The following KCNN3 variants were observed in gnomAD, a reference collection of about 807,000 sequenced individuals.
KCNN3 encodes small conductance calcium-activated potassium channel protein 3.
In KCNN3, 16 loss-of-function variants were observed where a neutral mutation model predicts 62.9. That is an observed-to-expected ratio of 0.25 (90% CI 0.17 to 0.39). The LOEUF (loss-of-function observed/expected upper bound fraction) is 0.39, where lower values mean the gene tolerates loss of function less well. Ranked by LOEUF, KCNN3 falls within the 10% of genes least tolerant of loss-of-function variation. The probability of loss-of-function intolerance (pLI) is 1.00; values close to 1 mark genes in which losing one functional copy is unlikely to be tolerated. For synonymous variants in KCNN3, 370 were observed against 389.2 expected (o/e 0.95, Z 0.58); for missense variants, 599 against 949.4 (o/e 0.63, Z 4.85).
chr1:154,780,495 G>A (rs186403995), intron 2 of KCNN3, among the ~76,000 whole-genome samples: 321 of 148,942 alleles, frequency 2.2e-3, no homozygotes, highest in Non-Finnish European at 3.7e-3. Context: ...AAGAACTTCC[G>A]GGAAAATTTC....
intron 2 of KCNN3, among the ~76,000 whole-genome samples, chr1:154,794,926 C>A (rs1649665100): frequency 6.6e-6 from 1 of 152,178 alleles, no homozygotes; most frequent in Non-Finnish European, 1.5e-5. Context: ...TCCTAGAGAG[C>A]TCTTTTTCAT....
In KCNN3 at chr1:154,839,307, G is replaced by A. The variant is rs181821327; in HGVS notation, c.934-17123C>T. Among the ~76,000 whole-genome samples, 289 of 152,310 alleles carry A rather than the reference G, an allele frequency of 1.9e-3. 1 individual carries two copies. Among genetic ancestry groups the A allele is most frequent in the African/African-American group, 6.6e-3 (274 of 41,568 alleles). ...AGGCTCTGCGTACCTACACCAGAAG[G>A]GGAACAGATCCCATAGCCCAAAGGA... On this transcript the variant is annotated intron_variant, in intron 1 of 7. Transcript: ENST00000271915.
At chr1:154,755,841 GA>G (rs1384515406) in intron 3 of KCNN3, among the ~76,000 whole-genome samples, 1 of 114,620 alleles carries the variant, frequency 8.7e-6, no homozygotes, top group African/African-American at 3.4e-5. Context: ...GGAGGAGGGG[GA>G]AAGAAGGAAG....
At chr1:154,768,053 C>A (rs887152431) in intron 3 of KCNN3, among the ~76,000 whole-genome samples, 2 of 152,320 alleles carry the variant, frequency 1.3e-5, no homozygotes, top group Non-Finnish European at 1.5e-5. Context: ...AGGCTCTGGG[C>A]ATCAGCAGCT....
intron 1 of KCNN3, among the ~76,000 whole-genome samples, chr1:154,864,602 C>T (rs903200244): frequency 2.2e-4 from 34 of 152,248 alleles, no homozygotes; most frequent in Non-Finnish European, 2.9e-4. Context: ...TACGGAGAAG[C>T]GGCCTCCCAT....
chr1:154,838,664 C>T (rs1651701931), intron 1 of KCNN3, among the ~76,000 whole-genome samples: 1 of 152,214 alleles, frequency 6.6e-6, no homozygotes, highest in South Asian at 2.1e-4. Context: ...ACTCCCACCA[C>T]CCTACCCTCC....
In KCNN3 at chr1:154,772,572, G is replaced by C. The variant is rs2101840082; in HGVS notation, c.1030-179C>G. On this transcript the variant is annotated intron_variant, in intron 2 of 7. Coordinates refer to ENST00000271915, the MANE Select transcript of KCNN3 (RefSeq NM_002249.6). The surrounding 1 kb of genome is among the most constrained non-coding windows in gnomAD (Gnocchi z 5.6). ...GAGCCCTGTATGTGGAGTAGGGAGA[G>C]CTGGATTCAGTCTACCTGGGAAGCC... Among the ~76,000 whole-genome samples, 1 of 152,316 alleles carries C rather than the reference G, an allele frequency of 6.6e-6. No individual in the cohort carries two copies. Among genetic ancestry groups the C allele is most frequent in the Non-Finnish European group, 1.5e-5 (1 of 68,024 alleles).
chr1:154,750,126 T>C (rs903000814), intron 3 of KCNN3, among the ~76,000 whole-genome samples: 7 of 152,214 alleles, frequency 4.6e-5, no homozygotes, highest in Non-Finnish European at 1.0e-4. Flanking sequence ...GGAATAAAGC[T>C]AATTCCGAAG....
intron 5 of KCNN3, among the ~76,000 whole-genome samples, chr1:154,718,488 A>T (rs2101771155): frequency 6.6e-6 from 1 of 152,362 alleles, no homozygotes; most frequent in Admixed American, 6.5e-5. Flanking sequence ...CCTCAGAAAA[A>T]CTTGATAAAT....
At chr1:154,720,770 G>T (rs528388409) in intron 5 of KCNN3, among the ~76,000 whole-genome samples, 249 of 152,338 alleles carry the variant, frequency 1.6e-3, no homozygotes, top group African/African-American at 5.7e-3. Flanking sequence ...GATGACTGGG[G>T]TAAGGGACGC....
chr1:154,804,178 T>C (rs1223277163), intron 2 of KCNN3, among the ~76,000 whole-genome samples: 1 of 152,218 alleles, frequency 6.6e-6, no homozygotes, highest in African/African-American at 2.4e-5. Context: ...TTCCTCTCCC[T>C]GTGAGGGGCA....
chr1:154,738,211 G>A (rs1700752728), intron 3 of KCNN3, among the ~76,000 whole-genome samples: 1 of 152,148 alleles, frequency 6.6e-6, no homozygotes, highest in Non-Finnish European at 1.5e-5. Flanking sequence ...CAATCCTACA[G>A]AGCTTTAGGG....
intron 1 of KCNN3, among the ~76,000 whole-genome samples, chr1:154,824,944 T>C (rs772987925): frequency 1.3e-5 from 2 of 152,190 alleles, no homozygotes; most frequent in Admixed American, 1.3e-4. Context: ...ACTCTCGATA[T>C]CTTACAGATT....
chr1:154,833,393 G>A (rs1651451626), intron 1 of KCNN3, among the ~76,000 whole-genome samples: 3 of 152,272 alleles, frequency 2.0e-5, no homozygotes, highest in South Asian at 4.1e-4. Flanking sequence ...GAACAGCCTC[G>A]TCCGTGTTTC....
intron 5 of KCNN3, among the ~76,000 whole-genome samples, chr1:154,724,281 T>C (rs1237221931): frequency 1.3e-5 from 2 of 152,224 alleles, no homozygotes; most frequent in Non-Finnish European, 2.9e-5. Context: ...CTCTCTCTCT[T>C]TTTGTTCTTC....
At chr1:154,757,534 A>G (rs558590810) in intron 3 of KCNN3, among the ~76,000 whole-genome samples, 3 of 152,330 alleles carry the variant, frequency 2.0e-5, no homozygotes, top group East Asian at 1.9e-4. Context: ...AGAGTGCCCA[A>G]TCTAAACAGA....
chr1:154,755,560 AAGAAAG>A (rs1312015562), intron 3 of KCNN3, among the ~76,000 whole-genome samples: 31 of 133,380 alleles, frequency 2.3e-4, no homozygotes, highest in Non-Finnish European at 4.0e-4. Flanking sequence ...GGAAGAAAGA[AAGAAAG>A]AGAGAGAGAG....
intron 1 of KCNN3, among the ~76,000 whole-genome samples, chr1:154,865,767 C>T (rs1347355562): frequency 5.3e-5 from 8 of 151,900 alleles, no homozygotes; most frequent in South Asian, 4.2e-4. Flanking sequence ...CACAACCCCA[C>T]GGAAAAAAAA....
At chr1:154,839,353 C>A (rs1169026722) in intron 1 of KCNN3, among the ~76,000 whole-genome samples, 4 of 152,148 alleles carry the variant, frequency 2.6e-5, no homozygotes, top group Admixed American at 2.6e-4. Context: ...TCCAGGAGAC[C>A]CTTTGGAGGC....
Sources: allele counts gnomAD v4.1 joint callset (sites outside exome capture counted in the v4.1 genomes callset), GRCh38; gene constraint gnomAD v4.1.1; non-coding constraint Gnocchi (gnomAD v3.1); transcripts MANE v1.5; gene names NCBI Gene and HGNC (gene_info 2026-07-23, HGNC 2026-07-21).